Variants in KCNN2 observed in about 807,000 individuals in gnomAD.
KCNN2 encodes small conductance calcium-activated potassium channel protein 2.
In KCNN2, 24 loss-of-function variants were observed where a neutral mutation model predicts 55.5. The ratio of observed to expected loss-of-function variants is 0.43; its 90% CI spans 0.31 to 0.61. The LOEUF is 0.61. Among genes scored for constraint, KCNN2 ranks in the 20% least tolerant of loss-of-function variants. KCNN2 has a pLI of 0.08. For synonymous variants in KCNN2, 431 were observed against 336.1 expected (o/e 1.28, Z -3.09); for missense variants, 754 against 853.6 (o/e 0.88, Z 1.45).
intron 5 of KCNN2, among the ~76,000 whole-genome samples, chr5:114,478,371 A>T (rs1252489035): frequency 2.0e-5 from 3 of 152,180 alleles, no homozygotes; most frequent in African/African-American, 7.2e-5. Flanking sequence ...AAAAGAGTGA[A>T]CAAAACCTCC....
At chr5:114,385,794 T>A (rs1758263078) in intron 2 of KCNN2, among the ~76,000 whole-genome samples, 1 of 151,924 alleles carries the variant, frequency 6.6e-6, no homozygotes, top group African/African-American at 2.4e-5. Flanking sequence ...TAAATAATGA[T>A]GATGATGCAC....
At chr5:114,330,707 C>A (rs1474807660) in intron 2 of KCNN2, among the ~76,000 whole-genome samples, 1 of 152,126 alleles carries the variant, frequency 6.6e-6, no homozygotes, top group Non-Finnish European at 1.5e-5. Context: ...AGTTCAAAAG[C>A]CAATTTTTGC....
At chr5:114,292,034 G>C (rs1413017440) in intron 2 of KCNN2, among the ~76,000 whole-genome samples, 1 of 148,490 alleles carries the variant, frequency 6.7e-6, no homozygotes. Flanking sequence ...TTTTTGATGG[G>C]GTTGTTTGTT....
intron 3 of KCNN2, among the ~76,000 whole-genome samples, chr5:114,418,801 G>A (rs1759383038): frequency 6.6e-6 from 1 of 152,196 alleles, no homozygotes; most frequent in Admixed American, 6.5e-5. Context: ...AATAGGAACA[G>A]CGATCTAGAA....
chr5:114,412,212 A>G (rs1759158037), intron 3 of KCNN2, among the ~76,000 whole-genome samples: 2 of 152,202 alleles, frequency 1.3e-5, no homozygotes, highest in Admixed American at 6.5e-5. Context: ...TGGGCATTGA[A>G]TATAATCTTG....
At chr5:114,372,455 G>A (rs937079621) in intron 2 of KCNN2, among the ~76,000 whole-genome samples, 4 of 152,126 alleles carry the variant, frequency 2.6e-5, no homozygotes, top group African/African-American at 9.7e-5. Flanking sequence ...CACATTTTCT[G>A]TGTTTACTGC....
chr5:114,286,413 T>A (rs1328058316), intron 2 of KCNN2, among the ~76,000 whole-genome samples: 1 of 151,942 alleles, frequency 6.6e-6, no homozygotes, highest in Non-Finnish European at 1.5e-5. Context: ...CATTTACGAG[T>A]CATCAAAGAA....
intron 1 of KCNN2, among the ~76,000 whole-genome samples, chr5:114,153,917 A>G (rs1197365891): frequency 6.6e-6 from 1 of 152,046 alleles, no homozygotes; most frequent in Non-Finnish European, 1.5e-5. Flanking sequence ...ATTGAAGGTC[A>G]CTGTTTCTCT....
intron 4 of KCNN2, among the ~76,000 whole-genome samples, chr5:114,465,604 C>T (rs1488802025): frequency 1.4e-5 from 2 of 147,382 alleles, no homozygotes; most frequent in Non-Finnish European, 3.0e-5. Context: ...AAGAGTGAAA[C>T]TCCATCATCT....
At chr5:114,360,307 C>A (rs541951010), upstream of KCNN2, among the ~76,000 whole-genome samples, 1 of 152,172 alleles carries the variant, frequency 6.6e-6, no homozygotes, top group Non-Finnish European at 1.5e-5. Flanking sequence ...CACACACGCA[C>A]ACTCTGAAAA....
At chr5:114,245,312 T>C (rs939189522) in intron 2 of KCNN2, among the ~76,000 whole-genome samples, 1 of 152,254 alleles carries the variant, frequency 6.6e-6, no homozygotes, top group South Asian at 2.1e-4. Flanking sequence ...GTGGTCTGAA[T>C]GTTAGCAGGA....
At chr5:114,131,846 T>C (rs998262807) in intron 1 of KCNN2, among the ~76,000 whole-genome samples, 1 of 152,254 alleles carries the variant, frequency 6.6e-6, no homozygotes, top group Non-Finnish European at 1.5e-5. Flanking sequence ...TGGTATCTCA[T>C]TGTGGTTTTG....
chr5:114,345,091 G>A (rs1757083314), intron 2 of KCNN2, among the ~76,000 whole-genome samples: 1 of 152,138 alleles, frequency 6.6e-6, no homozygotes, highest in Non-Finnish European at 1.5e-5. Context: ...AAATAAGAGA[G>A]TGTTTGAATG....
chr5:114,351,834 T>C (rs989140638), intron 2 of KCNN2, among the ~76,000 whole-genome samples: 1 of 151,814 alleles, frequency 6.6e-6, no homozygotes, highest in Non-Finnish European at 1.5e-5. Flanking sequence ...ACTTTGTATG[T>C]TGCTGTATTT....
chr5:114,112,208 T>G (rs1580524507), intron 1 of KCNN2, among the ~76,000 whole-genome samples: 1 of 152,058 alleles, frequency 6.6e-6, no homozygotes, highest in Admixed American at 6.6e-5. Context: ...AACCATCATT[T>G]TCAGCAAACT....
rs188211761 is a variant in KCNN2, at chr5:114,275,212, G to T, written c.-185+53647G>T. ...CTTGATCGTGGTGGATAAGCTTTTT[G>T]ATGTGCTGCTGGATCCAGTTTGCCC... On this transcript the variant is annotated intron_variant, in intron 2 of 10. Coordinates refer to the KCNN2 transcript ENST00000512097. 3.3e-3 allele frequency among the ~76,000 whole-genome samples: 505 copies of T among 152,282 alleles called. 7 individuals carry two copies. The highest frequency in any genetic ancestry group is 0.012 in the African/African-American group (486 of 41,562).
chr5:114,282,798 G>C (rs1218232424), intron 2 of KCNN2, among the ~76,000 whole-genome samples: 1 of 152,112 alleles, frequency 6.6e-6, no homozygotes, highest in Non-Finnish European at 1.5e-5. Context: ...TGGAGAAGCT[G>C]TATGAAGTCA....
chr5:114,388,904 G>A (rs1287736519), intron 2 of KCNN2, among the ~76,000 whole-genome samples: 4 of 152,052 alleles, frequency 2.6e-5, no homozygotes, highest in African/African-American at 4.8e-5. Context: ...TTTGAAAAGA[G>A]GATCAATTAA....
intron 1 of KCNN2, among the ~76,000 whole-genome samples, chr5:114,082,599 A>G (rs1333817557): frequency 1.3e-5 from 2 of 152,206 alleles, no homozygotes; most frequent in East Asian, 3.8e-4. Context: ...TATACGTCCA[A>G]AAGAAAGCAA....
Sources: gnomAD v4.1 joint callset for allele counts (sites outside exome capture counted in the v4.1 genomes callset) on GRCh38, gnomAD v4.1.1 for gene constraint, MANE v1.5 for transcripts, NCBI Gene and HGNC (gene_info 2026-07-23, HGNC 2026-07-21) for gene names.